The following PCDHGB6 variants were observed in gnomAD, a reference collection of about 807,000 sequenced individuals.
PCDHGB6 encodes protocadherin gamma subfamily B, 6.
In PCDHGB6, 51 loss-of-function variants were observed where a neutral mutation model predicts 59.1. The observed-to-expected ratio is 0.86, with a 90% CI of 0.69 to 1.09. The LOEUF (loss-of-function observed/expected upper bound fraction) is 1.09, where lower values mean the gene tolerates loss of function less well. Ranked by LOEUF, PCDHGB6 falls within the 50% of genes least tolerant of loss-of-function variation. The pLI is 0.00. For synonymous variants in PCDHGB6, 466 were observed against 495.1 expected (o/e 0.94, Z 0.78); for missense variants, 1,148 against 1,205.1 (o/e 0.95, Z 0.70).
At chr5:141,450,453 C>T (rs1202828231) in intron 1 of PCDHGB6, among the ~76,000 whole-genome samples, 3 of 152,058 alleles carry the variant, frequency 2.0e-5, no homozygotes, top group East Asian at 1.9e-4. Flanking sequence ...TATGTTTCCT[C>T]GTGATTTTAT....
rs772444495 is a variant in PCDHGB6 at position 141,491,766 on chromosome 5, T to C, written c.2419-3041T>C. 14 of 1,567,738 alleles carry C rather than the reference T, an allele frequency of 8.9e-6. No homozygotes were observed. The African/African-American group carries it at 1.6e-4, about 18-fold the overall frequency. ...GCACTGGAGAAGCCGCCCGTCCTCA[T>C]AAGGGATTGAACTTGCATCCACTCC... On this transcript the variant is annotated intron_variant, in intron 1 of 3. Coordinates refer to ENST00000520790, the MANE Select transcript of PCDHGB6 (RefSeq NM_018926.3). The surrounding 1 kb of genome is among the most constrained non-coding windows in gnomAD (Gnocchi z 6.9).
At chr5:141,467,103 AGTACAATG>A (rs1438695307) in intron 1 of PCDHGB6, among the ~76,000 whole-genome samples, 1 of 147,462 alleles carries the variant, frequency 6.8e-6, no homozygotes, top group East Asian at 2.0e-4. Flanking sequence ...CACAGGCTGG[AGTACAATG>A]GTGCAATCTC....
At chr5:141,502,768 T>C (rs1389860952) in intron 2 of PCDHGB6, among the ~76,000 whole-genome samples, 1 of 152,154 alleles carries the variant, frequency 6.6e-6, no homozygotes, top group East Asian at 1.9e-4. Context: ...GCTGGTATTC[T>C]TCTGAAAATT....
intron 1 of PCDHGB6, among the ~76,000 whole-genome samples, chr5:141,483,218 A>G (rs2099578440): frequency 6.6e-6 from 1 of 152,188 alleles, no homozygotes; most frequent in Admixed American, 6.5e-5. Flanking sequence ...GATGACAGTC[A>G]CTGCAGAAAT....
rs140933475 is a variant in PCDHGB6 at position 141,477,405 on chromosome 5, G to A, written c.2419-17402G>A. The A allele has an allele frequency of 3.8e-4, 608 of 1,614,076 alleles. No individual in the cohort carries two copies. The highest frequency in any genetic ancestry group is 4.6e-4 in the Non-Finnish European group (540 of 1,180,022). On this transcript the variant is annotated intron_variant, in intron 1 of 3. Transcript: ENST00000520790. This position sits in a 1 kb window ranked among gnomAD's most constrained non-coding sequence, Gnocchi z 4.9. ...GAATACAACCTCAGCATCACCGCCC[G>A]AGACGCCGGAACCCCTTCCCTCTCA...
chr5:141,430,707 C>T, intron 1 of PCDHGB6: 2 of 1,478,562 alleles, frequency 1.4e-6, no homozygotes, highest in Non-Finnish European at 9.0e-7. Flanking sequence ...GGAACTGCTC[C>T]TGACTTCAGT....
Position 141,477,872 on chromosome 5 carries a change from G to A in PCDHGB6, c.2419-16935G>A. The stretch of plus-strand genomic sequence containing the variant: ...GGAGATGCTGCCTCGAGGTACCTCA[G>A]CTGGCCACCTAGTGTCACGGGTGGT... On this transcript the variant is annotated intron_variant, in intron 1 of 3. Coordinates refer to ENST00000520790, the MANE Select transcript of PCDHGB6 (RefSeq NM_018926.3). This position sits in a 1 kb window ranked among gnomAD's most constrained non-coding sequence, Gnocchi z 4.9. The A allele has an allele frequency of 6.2e-7, 1 of 1,614,180 alleles. No individual in the cohort carries two copies. Among genetic ancestry groups the A allele is most frequent in the African/African-American group, 1.3e-5 (1 of 75,058 alleles).
chr5:141,448,464 T>C lies in PCDHGB6; in HGVS notation c.2418+37844T>C, dbSNP rs186054602. Among the ~76,000 whole-genome samples the C allele has an allele frequency of 2.6e-3, 402 of 152,296 alleles. 10 individuals are homozygous for C. The highest frequency in any genetic ancestry group is 0.023 in the Admixed American group (357 of 15,282). ...CTGACTTCCATCCCTATCCTACTCCTATTCCACCCTTGCTTCCTCCTGTCC... is the reference window on the plus strand; with the variant it reads ...CTGACTTCCATCCCTATCCTACTCCCATTCCACCCTTGCTTCCTCCTGTCC... On this transcript the variant is annotated intron_variant, in intron 1 of 3. Transcript: ENST00000520790.
intron 1 of PCDHGB6, among the ~76,000 whole-genome samples, chr5:141,460,317 A>G (rs1045494740): frequency 4.6e-5 from 7 of 152,260 alleles, no homozygotes; most frequent in African/African-American, 1.7e-4. Flanking sequence ...CTCCTTGCCT[A>G]CTGAAAACTT....
In PCDHGB6 at chr5:141,489,637, T is replaced by G. The variant is rs1230531256; in HGVS notation, c.2419-5170T>G. The G allele has an allele frequency of 6.2e-6, 10 of 1,614,032 alleles. No homozygotes were observed. The highest frequency in any genetic ancestry group is 2.7e-5 in the African/African-American group (2 of 74,914). On this transcript the variant is annotated intron_variant, in intron 1 of 3. Transcript: ENST00000520790. The surrounding 1 kb of genome is among the most constrained non-coding windows in gnomAD (Gnocchi z 4.5). The stretch of plus-strand genomic sequence containing the variant: ...GGATCTCAATGACAACTCTCCTAGC[T>G]TTGCCACCCCTGAGCGAGAGATGCG...
At chr5:141,427,637 C>T (rs771573587) in intron 1 of PCDHGB6, 5 of 707,806 alleles carry the variant, frequency 7.1e-6, no homozygotes, top group Non-Finnish European at 1.3e-5. Context: ...CGGTTTTCCA[C>T]CAAGTCTCCT....
rs769655902 is a variant in PCDHGB6, at chr5:141,410,195, G to T, written c.1993G>T (p.Ala665Ser). ...CACCGCCACGCTTCATCTGGTCTTC[G>T]CAGACAACTTGCAAGAGATACTGCC... Reference protein sequence around the residue: ...SATATLHLVFADNLQEILPDL... With the variant: ...SATATLHLVFSDNLQEILPDL... The change falls in exon 1 of 4, where the codon GCA (alanine) becomes TCA (serine). Residue 665 changes from alanine (A) to serine (S), a missense_variant. Ala to Ser is a moderately conservative substitution (Grantham distance 99, BLOSUM62 1). This residue lies in a region of PCDHGB6 where 549 missense variants were observed against 527.5 expected (regional missense o/e 1.04). Transcript: ENST00000520790. The T allele has an allele frequency of 1.2e-6, 2 of 1,613,966 alleles. No individual in the cohort carries two copies. Among genetic ancestry groups the T allele is most frequent in the East Asian group, 4.5e-5 (2 of 44,868 alleles).
chr5:141,416,011 GGTAA>G (rs1031382322), intron 1 of PCDHGB6: 25 of 239,912 alleles, frequency 1.0e-4, no homozygotes, highest in Non-Finnish European at 3.9e-5. Flanking sequence ...GGTAAGAATA[GGTAA>G]GTATCAGAAA....
intron 1 of PCDHGB6, 148 bp from the exon 2 acceptor site, chr5:141,494,659 T>C (rs749872848): frequency 2.3e-4 from 343 of 1,488,556 alleles, no homozygotes; most frequent in Non-Finnish European, 2.9e-4. Flanking sequence ...ATTTTGTCTT[T>C]GGAGATGAGT....
chr5:141,421,246 C>T (rs1047768415), intron 1 of PCDHGB6: 16 of 1,603,622 alleles, frequency 1.0e-5, no homozygotes, highest in Admixed American at 1.7e-5. Flanking sequence ...TCGGCTACAG[C>T]GCGGGGACCG....
At chr5:141,510,056 G>C (rs1450505898) in intron 3 of PCDHGB6, among the ~76,000 whole-genome samples, 2 of 152,174 alleles carry the variant, frequency 1.3e-5, no homozygotes. Flanking sequence ...AAGTGATTGT[G>C]CATGTGAAGC....
intron 1 of PCDHGB6, among the ~76,000 whole-genome samples, chr5:141,482,238 A>G (rs560354311): frequency 8.5e-5 from 13 of 152,304 alleles, no homozygotes; most frequent in African/African-American, 2.9e-4. Context: ...TTGCCAATAT[A>G]AGTATAGTAC....
At position 141,487,080 on chromosome 5, in the gene PCDHGB6, C is replaced by G. The variant is rs2154580766; in HGVS notation, c.2419-7727C>G. 1 of 1,614,126 alleles carries G rather than the reference C, an allele frequency of 6.2e-7. No individual in the cohort carries two copies. Among genetic ancestry groups the G allele is most frequent in the East Asian group, 2.2e-5 (1 of 44,872 alleles). On this transcript the variant is annotated intron_variant, in intron 1 of 3. Coordinates refer to ENST00000520790, the MANE Select transcript of PCDHGB6 (RefSeq NM_018926.3). This position sits in a 1 kb window ranked among gnomAD's most constrained non-coding sequence, Gnocchi z 5.0. ...GTGCGGACGGCTGTTCCTATCCCAG[C>G]TGACCTCCCACCACAGAAGCTGGTC...
At position 141,512,765 on chromosome 5, in the gene PCDHGB6, G is replaced by C. The variant is rs988707269; in HGVS notation, c.*1592G>C. 1 of 152,668 alleles carries C rather than the reference G, an allele frequency of 6.6e-6. No individual in the cohort carries two copies. The highest frequency in any genetic ancestry group is 1.5e-5 in the Non-Finnish European group (1 of 68,460). The allele number at this position is 152,668 out of a possible 1,614,324, so 9.5% of individuals were successfully genotyped here. On this transcript the variant is annotated 3_prime_UTR_variant, in exon 4 of 4. Transcript: ENST00000520790. ...CCGCGCAGCCGTCTGTCCTTGATCT[G>C]CCCGCGGCGGCCCGTGTTGTGTTTT...
Sources: gnomAD v4.1 joint callset for allele counts (sites outside exome capture counted in the v4.1 genomes callset) on GRCh38, gnomAD v4.1.1 for gene constraint, gnomAD v4.1.1 regional missense constraint, Gnocchi (gnomAD v3.1) non-coding constraint, MANE v1.5 for transcripts, NCBI Gene and HGNC (gene_info 2026-07-23, HGNC 2026-07-21) for gene names.